Variants in LRRC34 observed in about 807,000 individuals in gnomAD.
LRRC34 encodes the protein leucine rich repeat containing 34, also known as leucine-rich repeat-containing protein 34.
LRRC34 carries 44 observed loss-of-function variants against 48.5 expected under a neutral mutation model. That is an observed-to-expected ratio of 0.91 (90% CI 0.71 to 1.17). The LOEUF (loss-of-function observed/expected upper bound fraction) is 1.17. LRRC34 is among the 50% of genes most tolerant of loss of function. LRRC34 has a pLI of 0.00. For synonymous variants in LRRC34, 192 were observed against 197.6 expected, an observed-to-expected ratio of 0.97 and a Z score of 0.24; for missense variants, 502 against 563.0, an observed-to-expected ratio of 0.89 and a Z score of 1.10.
rs1210136924 is a variant in LRRC34 at position 169,812,405 on chromosome 3, C to T, written c.139+5G>A. Reference sequence around the variant, plus strand: ...GGCCGCGCAGACGTGCTCCCTACTTCTTACCGCGCTGGACCGCCAGGGCCG... The same window carrying T: ...GGCCGCGCAGACGTGCTCCCTACTTTTTACCGCGCTGGACCGCCAGGGCCG... On this transcript the variant is annotated splice_donor_5th_base_variant and intron_variant, in intron 1 of 10. Coordinates refer to ENST00000446859, the MANE Select transcript of LRRC34 (RefSeq NM_001172779.2). This position sits in a 1 kb window ranked among gnomAD's most constrained non-coding sequence, Gnocchi z 4.3. 1.3e-6 allele frequency: 2 copies of T among 1,527,036 alleles called. No homozygotes were observed. Among genetic ancestry groups the T allele is most frequent in the Non-Finnish European group, 1.7e-6 (2 of 1,143,924 alleles). The allele number at this position is 1,527,036 out of a possible 1,614,324, so 94.6% of individuals were successfully genotyped here.
rs1779601744 is a variant in LRRC34, at chr3:169,812,143, CT to C, written c.139+266del. ...CGGCGACAGACACCATCTGCACAAC[CT>C]ATCGCGCAAAGGGCGGACCCACGGG... On this transcript the variant is annotated intron_variant, in intron 1 of 10. Coordinates refer to ENST00000446859, the MANE Select transcript of LRRC34 (RefSeq NM_001172779.2). This position sits in a 1 kb window ranked among gnomAD's most constrained non-coding sequence, Gnocchi z 4.3. 6.6e-6 allele frequency among the ~76,000 whole-genome samples: 1 copy of C among 151,664 alleles called. No homozygotes were observed. Among genetic ancestry groups the C allele is most frequent in the Non-Finnish European group, 1.5e-5 (1 of 67,888 alleles).
chr3:169,801,947 A>C (rs1288235412), intron 6 of LRRC34, among the ~76,000 whole-genome samples: 1 of 152,096 alleles, frequency 6.6e-6, no homozygotes, highest in Non-Finnish European at 1.5e-5. Flanking sequence ...AGTAGCTGGC[A>C]TGCAACACCA....
chr3:169,795,715 T>C (rs1215513814), intron 9 of LRRC34, 104 bp from the exon 10 acceptor site: 32 of 1,427,550 alleles, frequency 2.2e-5, no homozygotes, highest in East Asian at 5.0e-5. Flanking sequence ...TGTTGTAATG[T>C]AGTGGTAAAA....
rs891895388 is a variant in LRRC34 at position 169,797,202 on chromosome 3, G to GA, written c.754-304dup. ...AAACAATAATCAGTCATTTCGAAAG[G>GA]AAAAAAAAATTGGTCCCATCATGTA... On this transcript the variant is annotated intron_variant, in intron 7 of 10. Coordinates refer to ENST00000446859, the MANE Select transcript of LRRC34 (RefSeq NM_001172779.2). Among the ~76,000 whole-genome samples the GA allele has an allele frequency of 2.7e-5, 4 of 150,528 alleles. 1 individual carries two copies. Among genetic ancestry groups the GA allele is most frequent in the East Asian group, 3.9e-4 (2 of 5,148 alleles).
chr3:169,810,804 C>T (rs765606288), intron 1 of LRRC34, among the ~76,000 whole-genome samples: 1 of 152,244 alleles, frequency 6.6e-6, no homozygotes, highest in Non-Finnish European at 1.5e-5. Flanking sequence ...GTGGCTTACG[C>T]CTGTAATCCC....
Position 169,794,025 on chromosome 3 carries a change from CAG to C in LRRC34, c.1192-189_1192-188del, listed in dbSNP as rs552942613. The C allele has an allele frequency of 3.5e-3, 1,760 of 495,958 alleles. 22 individuals are homozygous for C. The highest frequency in any genetic ancestry group is 0.03 in the African/African-American group (1,525 of 51,358). The allele number at this position is 495,958 out of a possible 1,614,324, so 30.7% of individuals were successfully genotyped here. A position where few individuals can be genotyped will look rare whatever the true frequency, so the allele number is the denominator to read the frequency against. ...ATAGATTTTTATTCATTTAATTACA[CAG>C]AATGAAATTATAATATTGCAAAACT... is the stretch of plus-strand genomic sequence containing the variant. On this transcript the variant is annotated intron_variant, in intron 10 of 10. Transcript: ENST00000446859.
At chr3:169,795,294 T>C (rs1457572863) in intron 10 of LRRC34, 191 bp downstream of exon 10, 2 of 418,768 alleles carry the variant, frequency 4.8e-6, no homozygotes, top group Non-Finnish European at 4.2e-6. Flanking sequence ...GTAATACTAA[T>C]ACATAGTTTT....
At chr3:169,800,099 C>T (rs906599982) in intron 7 of LRRC34, among the ~76,000 whole-genome samples, 1 of 151,870 alleles carries the variant, frequency 6.6e-6, no homozygotes, top group Non-Finnish European at 1.5e-5. Flanking sequence ...TTGTTTATAC[C>T]AATAATAACA....
chr3:169,802,998 C>A (rs1779249827), intron 6 of LRRC34, among the ~76,000 whole-genome samples: 2 of 151,602 alleles, frequency 1.3e-5, no homozygotes, highest in South Asian at 4.2e-4. Flanking sequence ...AAAAGTTAAT[C>A]CTTCAGAATC....
At chr3:169,807,088 A>G (rs1391666785) in intron 4 of LRRC34, among the ~76,000 whole-genome samples, 157 bp from the exon 5 acceptor site, 1 of 152,216 alleles carries the variant, frequency 6.6e-6, no homozygotes, top group Non-Finnish European at 1.5e-5. Flanking sequence ...GTATCCTAGC[A>G]AAAACAACTA....
chr3:169,796,542 GT>G, intron 8 of LRRC34, 173 bp from the exon 9 acceptor site: 1 of 933,852 alleles, frequency 1.1e-6, no homozygotes, highest in Non-Finnish European at 1.5e-6. Flanking sequence ...TTTCATTCTT[GT>G]TTACACAACT....
chr3:169,795,369 T>C, intron 10 of LRRC34, 116 bp downstream of exon 10: 1 of 1,062,768 alleles, frequency 9.4e-7, no homozygotes, highest in Non-Finnish European at 1.3e-6. Flanking sequence ...ATGTTAATTA[T>C]CAAAACTGCA....
At position 169,812,562 on chromosome 3, in the gene LRRC34, G is replaced by C. The variant is rs1414695240; in HGVS notation, c.-14C>G. 3.4e-6 allele frequency: 5 copies of C among 1,471,596 alleles called. No individual in the cohort carries two copies. The South Asian group carries it at 6.8e-5, about 20-fold the overall frequency. 91.2% of individuals were successfully genotyped at this position (1,471,596 alleles called of 1,614,324 possible). On this transcript the variant is annotated 5_prime_UTR_variant, in exon 1 of 11. Transcript: ENST00000446859. The surrounding 1 kb of genome is among the most constrained non-coding windows in gnomAD (Gnocchi z 4.3). ...CTGCGCTGCCATGGCGACCGCGCGC[G>C]CACTTACAGTCCGCCTGCAGCTGTG...
rs188354883 is a variant in LRRC34 at position 169,799,651 on chromosome 3, C to A, written c.753+1008G>T. ...CAGCCTGGGTGACAGAGTGAGACCTCATCTCAAAAAAGAAAAATAAAGTTG... is the reference window on the plus strand; with the variant it reads ...CAGCCTGGGTGACAGAGTGAGACCTAATCTCAAAAAAGAAAAATAAAGTTG... On this transcript the variant is annotated intron_variant, in intron 7 of 10. Transcript: ENST00000446859. Among the ~76,000 whole-genome samples, 5 of 152,224 alleles carry A rather than the reference C, an allele frequency of 3.3e-5. No homozygotes were observed. The East Asian group carries it at 9.6e-4, about 29-fold the overall frequency.
Position 169,812,569 on chromosome 3 carries a change from C to G in LRRC34, c.-21G>C. On this transcript the variant is annotated 5_prime_UTR_variant, in exon 1 of 11. Transcript: ENST00000446859. The surrounding 1 kb of genome is among the most constrained non-coding windows in gnomAD (Gnocchi z 4.3). ...GCCATGGCGACCGCGCGCGCACTTA[C>G]AGTCCGCCTGCAGCTGTGAGGCGGC... is the stretch of plus-strand genomic sequence containing the variant. 4 of 1,464,416 alleles carry G rather than the reference C, an allele frequency of 2.7e-6. No individual in the cohort carries two copies. The highest frequency in any genetic ancestry group is 3.6e-6 in the Non-Finnish European group (4 of 1,115,148). 90.7% of individuals were successfully genotyped at this position (1,464,416 alleles called of 1,614,324 possible).
chr3:169,793,971 T>A (rs908912767), intron 10 of LRRC34, 133 bp from the exon 11 acceptor site: 2 of 574,064 alleles, frequency 3.5e-6, no homozygotes, highest in African/African-American at 1.9e-5. Context: ...ATAACATTGC[T>A]GAATTTTAAT....
chr3:169,809,951 G>T (rs1317645994), intron 1 of LRRC34, among the ~76,000 whole-genome samples: 1 of 145,394 alleles, frequency 6.9e-6, no homozygotes, highest in Non-Finnish European at 1.5e-5. Flanking sequence ...AGACAATTTG[G>T]AAATTTCTTT....
At chr3:169,798,835 C>T (rs1377858257) in intron 7 of LRRC34, among the ~76,000 whole-genome samples, 1 of 152,076 alleles carries the variant, frequency 6.6e-6, no homozygotes, top group Non-Finnish European at 1.5e-5. Flanking sequence ...TTCTGATTAC[C>T]CTCCTTATGT....
Position 169,795,849 on chromosome 3 carries a change from G to A in LRRC34, c.1065-238C>T, listed in dbSNP as rs183274726. On this transcript the variant is annotated intron_variant, in intron 9 of 10. Coordinates refer to ENST00000446859, the MANE Select transcript of LRRC34 (RefSeq NM_001172779.2). ...TTTATATTATTCAGTAAATGTTTGG[G>A]TGGATAGCAGATATATTTTTCTGGA... 323 of 1,183,312 alleles carry A rather than the reference G, an allele frequency of 2.7e-4. 1 individual carries two copies. The African/African-American group carries it at 4.8e-3, about 18-fold the overall frequency. 73.3% of individuals were successfully genotyped at this position (1,183,312 alleles called of 1,614,324 possible). A position where few individuals can be genotyped will look rare whatever the true frequency, so the allele number is the denominator to read the frequency against.
Sources: gnomAD v4.1 joint callset for allele counts (sites outside exome capture counted in the v4.1 genomes callset) on GRCh38, gnomAD v4.1.1 for gene constraint, Gnocchi (gnomAD v3.1) non-coding constraint, MANE v1.5 for transcripts, NCBI Gene and HGNC (gene_info 2026-07-23, HGNC 2026-07-21) for gene names.